CDH23: variants seen among roughly 807,000 people sequenced by gnomAD.
CDH23 encodes the protein cadherin-23.
In CDH23, 189 loss-of-function variants were observed where a neutral mutation model predicts 317.1. The observed-to-expected ratio is 0.60, with a 90% CI of 0.53 to 0.67. The LOEUF (loss-of-function observed/expected upper bound fraction) is 0.67, where lower values mean the gene tolerates loss of function less well. Among genes scored for constraint, CDH23 ranks in the 30% least tolerant of loss-of-function variants. CDH23 has a pLI of 0.00. For missense variants in CDH23, 4,401 were observed against 4,592.4 expected, an observed-to-expected ratio of 0.96 and a Z score of 1.20; for synonymous variants, 1,839 against 1,876.8, an observed-to-expected ratio of 0.98 and a Z score of 0.52.
intron 3 of CDH23, among the ~76,000 whole-genome samples, chr10:71,458,554 T>C (rs1207726725): frequency 1.3e-5 from 2 of 152,214 alleles, no homozygotes; most frequent in Non-Finnish European, 2.9e-5. Context: ...ATGGTGGACA[T>C]TGTTTTTATT....
chr10:71,792,836 AAAAAAAAAAAAAAAAAATATAT>A (rs763126902), intron 47 of CDH23, among the ~76,000 whole-genome samples: 11,334 of 93,122 alleles, frequency 0.12, 640 homozygotes, highest in Non-Finnish European at 0.14. Context: ...AAAAAAAAAA[AAAAAAAAAAAAAAAAAATATAT>A]ATATATATAT....
intron 38 of CDH23, among the ~76,000 whole-genome samples, chr10:71,771,862 C>T (rs1233161335): frequency 6.6e-6 from 1 of 152,062 alleles, no homozygotes; most frequent in East Asian, 1.9e-4. Context: ...AGAAATGTTT[C>T]TCAAATTGGG....
rs186876907 is a variant in CDH23, at chr10:71,493,868, G to T, written c.146-16214G>T. On this transcript the variant is annotated intron_variant, in intron 3 of 69. Coordinates refer to ENST00000224721, the MANE Select transcript of CDH23 (RefSeq NM_022124.6). Reference sequence around the variant, plus strand: ...TCCTTTTTTTTAATTATAATAGCGTGCATAGAATATTCATAAGATCTCTTA... The same window carrying T: ...TCCTTTTTTTTAATTATAATAGCGTTCATAGAATATTCATAAGATCTCTTA... 2.3e-3 allele frequency among the ~76,000 whole-genome samples: 347 copies of T among 152,190 alleles called. 4 individuals carry two copies. Among genetic ancestry groups the T allele is most frequent in the African/African-American group, 8.3e-3 (344 of 41,518 alleles).
intron 8 of CDH23, among the ~76,000 whole-genome samples, chr10:71,576,630 A>G (rs1485083893): frequency 6.6e-6 from 1 of 152,078 alleles, no homozygotes; most frequent in Non-Finnish European, 1.5e-5. Context: ...GGGGGTGGGG[A>G]CAGGCTTATC....
intron 12 of CDH23, among the ~76,000 whole-genome samples, chr10:71,644,682 T>G (rs1203064359): frequency 6.6e-6 from 1 of 152,082 alleles, no homozygotes; most frequent in Non-Finnish European, 1.5e-5. Flanking sequence ...AACCAAGATG[T>G]GAGGGTGGGC....
chr10:71,480,163 T>A (rs1851994765), intron 3 of CDH23, among the ~76,000 whole-genome samples: 1 of 152,180 alleles, frequency 6.6e-6, no homozygotes, highest in African/African-American at 2.4e-5. Flanking sequence ...TGGCCAGACC[T>A]AGTGCATGGC....
chr10:71,556,274 A>C (rs1856871370), intron 6 of CDH23, among the ~76,000 whole-genome samples: 1 of 151,836 alleles, frequency 6.6e-6, no homozygotes, highest in Admixed American at 6.6e-5. Context: ...TAAGGCAGGG[A>C]CTTTCAGGAT....
chr10:71,720,200 T>C (rs564808373), intron 28 of CDH23, among the ~76,000 whole-genome samples: 5 of 152,184 alleles, frequency 3.3e-5, no homozygotes, highest in Non-Finnish European at 4.4e-5. Context: ...AGGCCCCTCC[T>C]GCAGCGTCCC....
rs1230270919 is a variant in CDH23, at chr10:71,397,774, C to T, written c.-6+456C>T. On this transcript the variant is annotated intron_variant, in intron 1 of 69. Coordinates refer to ENST00000224721, the MANE Select transcript of CDH23 (RefSeq NM_022124.6). This position sits in a 1 kb window ranked among gnomAD's most constrained non-coding sequence, Gnocchi z 4.8. ...AGTGGGGATGGGGTGGGGCGCACCC[C>T]TACTGCGGGCTGGGCAGAGGCGCTG... Among the ~76,000 whole-genome samples, 1 of 151,992 alleles carries T rather than the reference C, an allele frequency of 6.6e-6. No individual in the cohort carries two copies. The highest frequency in any genetic ancestry group is 2.4e-5 in the African/African-American group (1 of 41,382).
intron 6 of CDH23, among the ~76,000 whole-genome samples, chr10:71,548,650 G>GA (rs1856419746): frequency 1.3e-5 from 2 of 152,166 alleles, no homozygotes; most frequent in African/African-American, 4.8e-5. Context: ...AGAGACAGAG[G>GA]GAAAAAGGAA....
intron 14 of CDH23, among the ~76,000 whole-genome samples, chr10:71,671,582 G>A (rs978472290): frequency 6.6e-6 from 1 of 152,184 alleles, no homozygotes; most frequent in Non-Finnish European, 1.5e-5. Context: ...TGCTTGGGAG[G>A]AGGTTGTTTA....
At chr10:71,693,775 G>A (rs562518597) in intron 20 of CDH23, among the ~76,000 whole-genome samples, 1 of 152,344 alleles carries the variant, frequency 6.6e-6, no homozygotes, top group African/African-American at 2.4e-5. Context: ...GAGAAAGCCA[G>A]TAAGATAATG....
Position 71,446,421 on chromosome 10 carries a change from C to T in CDH23, c.145+26C>T, listed in dbSNP as rs115158212. The T allele has an allele frequency of 4.2e-3, 6,715 of 1,608,208 alleles. 135 individuals are homozygous for T. The highest frequency in any genetic ancestry group is 0.019 in the African/African-American group (1,451 of 74,888). ...GTGAGTGGGGGCATGGGCTGGTGGGCGTGCAGATGGCCTGGGGTGCAATCC... is the reference window on the plus strand; with the variant it reads ...GTGAGTGGGGGCATGGGCTGGTGGGTGTGCAGATGGCCTGGGGTGCAATCC... On this transcript the variant is annotated intron_variant, in intron 3 of 69. Transcript: ENST00000224721.
intron 12 of CDH23, among the ~76,000 whole-genome samples, chr10:71,644,923 G>T (rs1416869243): frequency 3.9e-5 from 6 of 152,252 alleles, no homozygotes; most frequent in Admixed American, 1.3e-4. Flanking sequence ...CTTGCCCCAA[G>T]TGCAGGCAGG....
intron 1 of CDH23, among the ~76,000 whole-genome samples, chr10:71,415,739 A>T (rs116077518): frequency 3.9e-5 from 6 of 152,098 alleles, no homozygotes; most frequent in African/African-American, 7.2e-5. Flanking sequence ...AATTTCTGTT[A>T]TAGTTTCCTC....
intron 3 of CDH23, among the ~76,000 whole-genome samples, chr10:71,504,840 G>A (rs1853545293): frequency 6.6e-6 from 1 of 152,232 alleles, no homozygotes; most frequent in Admixed American, 6.5e-5. Flanking sequence ...GTTGATGCCT[G>A]TACTGTGCCT....
At chr10:71,588,180 G>A (rs1440286071) in intron 9 of CDH23, among the ~76,000 whole-genome samples, 1 of 152,170 alleles carries the variant, frequency 6.6e-6, no homozygotes, top group Non-Finnish European at 1.5e-5. Context: ...CTGATTCATG[G>A]CTTCCCTGGG....
At chr10:71,456,590 A>G (rs1850709456) in intron 3 of CDH23, among the ~76,000 whole-genome samples, 1 of 152,134 alleles carries the variant, frequency 6.6e-6, no homozygotes, top group South Asian at 2.1e-4. Flanking sequence ...GATAATGATG[A>G]TGTGCCACCT....
At chr10:71,804,219 T>C (rs1841645233) in intron 55 of CDH23, among the ~76,000 whole-genome samples, 1 of 152,108 alleles carries the variant, frequency 6.6e-6, no homozygotes, top group South Asian at 2.1e-4. Flanking sequence ...ACACGCCCCT[T>C]CCATCTGTCT....
Sources: gnomAD v4.1 joint callset for allele counts (sites outside exome capture counted in the v4.1 genomes callset) on GRCh38, gnomAD v4.1.1 for gene constraint, Gnocchi (gnomAD v3.1) non-coding constraint, MANE v1.5 for transcripts, NCBI Gene and HGNC (gene_info 2026-07-23, HGNC 2026-07-21) for gene names.